CDK14: variants seen among roughly 807,000 people sequenced by gnomAD.
The protein encoded by CDK14 is cyclin dependent kinase 14, also known as cyclin-dependent kinase 14.
A neutral mutation model predicts 60.7 loss-of-function variants in CDK14; 34 were observed. The observed-to-expected ratio is 0.56, with a 90% CI of 0.43 to 0.75. The LOEUF (loss-of-function observed/expected upper bound fraction) is 0.75, where lower values mean the gene tolerates loss of function less well. CDK14 is among the 30% of genes least tolerant of loss of function. The probability of loss-of-function intolerance (pLI) is 0.00; values close to 1 mark genes in which losing one functional copy is unlikely to be tolerated. For missense variants in CDK14, 482 were observed against 564.1 expected (o/e 0.85, Z 1.47); for synonymous variants, 197 against 203.7 (o/e 0.97, Z 0.28).
intron 5 of CDK14, among the ~76,000 whole-genome samples, chr7:90,828,728 A>G (rs5009746): frequency 0.15 from 22,370 of 152,204 alleles, 1,814 homozygotes; most frequent in Middle Eastern, 0.25. Flanking sequence ...AATCATATGT[A>G]TTAAGGAAAA....
intron 2 of CDK14, among the ~76,000 whole-genome samples, chr7:90,656,174 G>A (rs922170423): frequency 2.0e-5 from 3 of 152,060 alleles, no homozygotes; most frequent in African/African-American, 7.2e-5. Flanking sequence ...GACTCCATTT[G>A]GCTTCCTCAT....
At chr7:90,684,068 G>GGT (rs1424408138) in intron 2 of CDK14, among the ~76,000 whole-genome samples, 3 of 151,974 alleles carry the variant, frequency 2.0e-5, no homozygotes, top group Admixed American at 1.3e-4. Flanking sequence ...TTTCTCCCAT[G>GGT]GTAAGAACCC....
chr7:91,000,791 G>A (rs996508928), intron 10 of CDK14, among the ~76,000 whole-genome samples: 3 of 152,226 alleles, frequency 2.0e-5, no homozygotes, highest in African/African-American at 7.2e-5. Context: ...AGCAGTTTGT[G>A]AAGCGAATCA....
chr7:90,936,729 T>G (rs1157185677), intron 8 of CDK14, among the ~76,000 whole-genome samples: 1 of 152,192 alleles, frequency 6.6e-6, no homozygotes, highest in African/African-American at 2.4e-5. Context: ...CTCCCTGATT[T>G]ACCACTTACT....
At chr7:90,875,134 C>G (rs1251741942) in intron 6 of CDK14, among the ~76,000 whole-genome samples, 2 of 152,156 alleles carry the variant, frequency 1.3e-5, no homozygotes, top group Non-Finnish European at 2.9e-5. Flanking sequence ...TCATTGTCTT[C>G]TTTGACTTAG....
At chr7:91,001,788 C>T (rs1264272968) in intron 10 of CDK14, among the ~76,000 whole-genome samples, 2 of 152,152 alleles carry the variant, frequency 1.3e-5, no homozygotes, top group East Asian at 1.9e-4. Flanking sequence ...TTAAAATAAC[C>T]GACACATAAA....
intron 5 of CDK14, among the ~76,000 whole-genome samples, chr7:90,836,817 CATT>C (rs1472998372): frequency 6.6e-6 from 1 of 152,186 alleles, no homozygotes; most frequent in East Asian, 1.9e-4. Context: ...ATGACCATGA[CATT>C]AGTAGGGGCT....
chr7:90,660,483 C>T (rs1362106699), intron 2 of CDK14, among the ~76,000 whole-genome samples: 1 of 152,192 alleles, frequency 6.6e-6, no homozygotes, highest in Non-Finnish European at 1.5e-5. Context: ...TAGCTCTATA[C>T]TCGGTACCTG....
chr7:90,893,330 A>G (rs1039079131), intron 6 of CDK14, among the ~76,000 whole-genome samples: 1 of 152,182 alleles, frequency 6.6e-6, no homozygotes, highest in African/African-American at 2.4e-5. Context: ...TAGCCATGGT[A>G]GGGATTGGAG....
intron 14 of CDK14, among the ~76,000 whole-genome samples, chr7:91,166,291 T>A (rs1224209981): frequency 6.6e-6 from 1 of 152,228 alleles, no homozygotes; most frequent in Non-Finnish European, 1.5e-5. Context: ...TCAGTGTGTC[T>A]TCTGTGAAAG....
At chr7:90,926,491 G>A (rs1793419628) in intron 8 of CDK14, among the ~76,000 whole-genome samples, 1 of 152,188 alleles carries the variant, frequency 6.6e-6, no homozygotes, top group African/African-American at 2.4e-5. Flanking sequence ...AGGCTGAACT[G>A]GCTTTAATAA....
At chr7:91,086,738 G>C (rs1401807973) in intron 12 of CDK14, among the ~76,000 whole-genome samples, 3 of 152,138 alleles carry the variant, frequency 2.0e-5, no homozygotes, top group East Asian at 3.9e-4. Context: ...ATTTTACAAA[G>C]TGAAGCATGA....
chr7:91,200,706 TCTGA>T (rs1293771362), intron 14 of CDK14, among the ~76,000 whole-genome samples: 1 of 152,222 alleles, frequency 6.6e-6, no homozygotes, highest in Non-Finnish European at 1.5e-5. Context: ...ACTGGGATCC[TCTGA>T]CTGTCTGGGT....
chr7:90,953,414 C>T (rs1794318854), intron 8 of CDK14, among the ~76,000 whole-genome samples: 1 of 152,044 alleles, frequency 6.6e-6, no homozygotes, highest in African/African-American at 2.4e-5. Context: ...AGTCTTTGGC[C>T]TAAACATGTG....
intron 14 of CDK14, among the ~76,000 whole-genome samples, chr7:91,123,099 G>C (rs1799832019): frequency 6.6e-6 from 1 of 152,220 alleles, no homozygotes; most frequent in South Asian, 2.1e-4. Context: ...CTCCAGTTCT[G>C]ATGGTGTGAT....
intron 5 of CDK14, among the ~76,000 whole-genome samples, chr7:90,801,163 G>A (rs2117004031): frequency 6.6e-6 from 1 of 152,308 alleles, no homozygotes; most frequent in Admixed American, 6.5e-5. Context: ...GTTTCACAGG[G>A]AGATTTGTAG....
chr7:91,022,087 T>A (rs980442859), intron 10 of CDK14, among the ~76,000 whole-genome samples: 1 of 152,166 alleles, frequency 6.6e-6, no homozygotes, highest in African/African-American at 2.4e-5. Context: ...CTACCTGTGC[T>A]GAGAGCTGCT....
intron 14 of CDK14, among the ~76,000 whole-genome samples, chr7:91,182,512 A>AT (rs552713167): frequency 4.6e-5 from 7 of 151,816 alleles, no homozygotes; most frequent in African/African-American, 1.4e-4. Context: ...TCCTTATGCA[A>AT]TTTTTTTTAT....
chr7:90,834,846 G>A (rs1320857141), intron 5 of CDK14, among the ~76,000 whole-genome samples: 1 of 152,216 alleles, frequency 6.6e-6, no homozygotes, highest in East Asian at 1.9e-4. Flanking sequence ...TATCAGCCAT[G>A]CAATTCATGA....
Sources: gnomAD v4.1 joint callset for allele counts (sites outside exome capture counted in the v4.1 genomes callset) on GRCh38, gnomAD v4.1.1 for gene constraint, MANE v1.5 for transcripts, NCBI Gene and HGNC (gene_info 2026-07-23, HGNC 2026-07-21) for gene names.